CSMD2: variants seen among roughly 807,000 people sequenced by gnomAD.
CSMD2 encodes CUB and sushi domain-containing protein 2.
In CSMD2, 130 loss-of-function variants were observed where a neutral mutation model predicts 398.5. The ratio of observed to expected loss-of-function variants is 0.33; its 90% CI spans 0.28 to 0.38. CSMD2 has a LOEUF of 0.38. CSMD2 is among the 10% of genes least tolerant of loss of function. The probability of loss-of-function intolerance (pLI) is 1.00; values close to 1 mark genes in which losing one functional copy is unlikely to be tolerated. For missense variants in CSMD2, 3,829 were observed against 4,764.9 expected (o/e 0.80, Z 5.78); for synonymous variants, 1,828 against 1,908.5 (o/e 0.96, Z 1.10).
At chr1:33,659,618 CT>C (rs1644062993) in intron 26 of CSMD2, among the ~76,000 whole-genome samples, 1 of 152,244 alleles carries the variant, frequency 6.6e-6, no homozygotes, top group Non-Finnish European at 1.5e-5. Context: ...ATATTTTGTG[CT>C]TGCTACAGCC....
chr1:34,069,241 G>T (rs1655449586), intron 2 of CSMD2, among the ~76,000 whole-genome samples: 1 of 151,966 alleles, frequency 6.6e-6, no homozygotes, highest in Admixed American at 6.5e-5. Flanking sequence ...CATTCATTGG[G>T]CAAGAATTTG....
chr1:33,649,743 G>T (rs1643653596), intron 28 of CSMD2, among the ~76,000 whole-genome samples: 1 of 152,210 alleles, frequency 6.6e-6, no homozygotes, highest in Non-Finnish European at 1.5e-5. Context: ...CAGTTTCCAA[G>T]AACCTGTTGA....
intron 5 of CSMD2, among the ~76,000 whole-genome samples, chr1:33,866,129 G>C (rs971368090): frequency 6.6e-6 from 1 of 152,134 alleles, no homozygotes; most frequent in Non-Finnish European, 1.5e-5. Context: ...TTTTTGAACA[G>C]TCTTTTAGAA....
chr1:33,849,470 G>A (rs1005418540), intron 5 of CSMD2, among the ~76,000 whole-genome samples: 3 of 152,204 alleles, frequency 2.0e-5, no homozygotes, highest in African/African-American at 7.2e-5. Flanking sequence ...AAGCAGATTA[G>A]TGGTTGTCAG....
intron 25 of CSMD2, among the ~76,000 whole-genome samples, chr1:33,687,842 C>A (rs1478007596): frequency 6.6e-6 from 1 of 151,490 alleles, no homozygotes; most frequent in African/African-American, 2.4e-5. Context: ...AGAAATGAGC[C>A]CAGTTGAACA....
intron 1 of CSMD2, among the ~76,000 whole-genome samples, chr1:34,123,523 G>GC (rs1553323631): frequency 1.8e-5 from 2 of 108,924 alleles, no homozygotes; most frequent in Non-Finnish European, 4.4e-5. Flanking sequence ...CAAACTTAAA[G>GC]GGGGGGGGTT....
At chr1:33,609,491 T>C (rs17361435) in intron 41 of CSMD2, among the ~76,000 whole-genome samples, 16,306 of 152,234 alleles carry the variant, frequency 0.11, 973 homozygotes, top group Non-Finnish European at 0.14. Context: ...GTAGCATACA[T>C]ATATCCAGGC....
At chr1:33,752,800 G>A (rs1648443547) in intron 13 of CSMD2, among the ~76,000 whole-genome samples, 1 of 152,174 alleles carries the variant, frequency 6.6e-6, no homozygotes. Context: ...AGGCTAACAG[G>A]TCTTAGATGG....
In CSMD2 at chr1:33,739,284, G is replaced by A. The variant is rs756380964; in HGVS notation, c.2224C>T (p.Arg742Trp). 8.1e-6 allele frequency: 13 copies of A among 1,613,882 alleles called. No individual in the cohort carries two copies. Among genetic ancestry groups the A allele is most frequent in the African/African-American group, 6.7e-5 (5 of 74,916 alleles). Residue 742 changes from arginine to tryptophan, a missense_variant, in exon 15 of 71, where the codon CGG becomes TGG. This residue lies in a region of CSMD2 where 2,001 missense variants were observed against 2,567.1 expected (regional missense o/e 0.78). Transcript: ENST00000373381. ...CCCAGCTGGAGGCTGTCCCCAAACC[G>A]TTTGCCATTTACTGGAACGCCAGGA... Reference protein sequence around the residue: ...PDPGVPVNGKRFGDSLQLGSS... With the variant: ...PDPGVPVNGKWFGDSLQLGSS...
At chr1:34,004,305 C>T (rs1283684887) in intron 3 of CSMD2, among the ~76,000 whole-genome samples, 1 of 152,200 alleles carries the variant, frequency 6.6e-6, no homozygotes, top group Non-Finnish European at 1.5e-5. Flanking sequence ...TTCCCTGGAA[C>T]TTAAGCCAAT....
At chr1:34,141,304 A>G (rs1470684643) in intron 1 of CSMD2, among the ~76,000 whole-genome samples, 1 of 152,188 alleles carries the variant, frequency 6.6e-6, no homozygotes, top group Non-Finnish European at 1.5e-5. Context: ...AGTTGGGCAT[A>G]CCACAGAGAA....
chr1:33,993,068 T>C (rs76319885), intron 3 of CSMD2, among the ~76,000 whole-genome samples: 1,751 of 152,298 alleles, frequency 0.011, 62 homozygotes, highest in East Asian at 0.11. Flanking sequence ...TATATGTGTA[T>C]TGTGTGCACA....
chr1:33,739,590 G>C (rs1163009279), intron 14 of CSMD2, among the ~76,000 whole-genome samples: 1 of 152,198 alleles, frequency 6.6e-6, no homozygotes, highest in Admixed American at 6.5e-5. Flanking sequence ...AATAAGCTAA[G>C]TGTTTCTGCT....
Position 33,710,158 on chromosome 1 carries a change from CCA to C in CSMD2, c.3407-902_3407-901del, listed in dbSNP as rs568962753. 4.9e-4 allele frequency among the ~76,000 whole-genome samples: 75 copies of C among 152,218 alleles called. No individual in the cohort carries two copies. The Middle Eastern group carries it at 0.01, about 21-fold the overall frequency. On this transcript the variant is annotated intron_variant, in intron 21 of 70. Coordinates refer to ENST00000373381, the MANE Select transcript of CSMD2 (RefSeq NM_001281956.2). ...GGTCGTGTTACTGTCTCCTTAACAC[CCA>C]CACAGTGCGTAGGCAGGGCAGGCTT... is the stretch of plus-strand genomic sequence containing the variant.
At chr1:33,864,488 C>CT (rs779790808) in intron 5 of CSMD2, 1 of 1,613,628 alleles carries the variant, frequency 6.2e-7, no homozygotes, top group East Asian at 2.2e-5. Flanking sequence ...CTCCATCATC[C>CT]TTCCTACTCT....
At chr1:33,554,342 C>T (rs534917351) in intron 55 of CSMD2, among the ~76,000 whole-genome samples, 44 of 152,046 alleles carry the variant, frequency 2.9e-4, no homozygotes, top group Admixed American at 2.4e-3. Flanking sequence ...TACAGGTGCA[C>T]ACCACCACGC....
At chr1:33,818,480 CAGA>C (rs1657728598) in intron 9 of CSMD2, among the ~76,000 whole-genome samples, 1 of 152,146 alleles carries the variant, frequency 6.6e-6, no homozygotes, top group Non-Finnish European at 1.5e-5. Flanking sequence ...CCACATTAAA[CAGA>C]AGAAGGGTAG....
intron 3 of CSMD2, among the ~76,000 whole-genome samples, chr1:33,952,822 T>G (rs1336324820): frequency 6.6e-6 from 1 of 152,212 alleles, no homozygotes; most frequent in African/African-American, 2.4e-5. Context: ...AAACTATTTC[T>G]TGAATCAACG....
chr1:33,826,726 C>T (rs1658867712), intron 6 of CSMD2, among the ~76,000 whole-genome samples: 2 of 152,218 alleles, frequency 1.3e-5, no homozygotes, highest in Admixed American at 1.3e-4. Flanking sequence ...TTCCTCTGTA[C>T]CCATCAGCCG....
Sources: allele counts gnomAD v4.1 joint callset (sites outside exome capture counted in the v4.1 genomes callset), GRCh38; gene constraint gnomAD v4.1.1; regional missense constraint gnomAD v4.1.1; transcripts MANE v1.5; gene names NCBI Gene and HGNC (gene_info 2026-07-23, HGNC 2026-07-21).